The following MACROD2 variants were observed in gnomAD, a reference collection of about 807,000 sequenced individuals.
MACROD2 encodes the protein ADP-ribose glycohydrolase MACROD2.
Under a neutral mutation model 70.4 loss-of-function variants are expected in MACROD2, and 36 were observed. That is an observed-to-expected ratio of 0.51 (90% CI 0.39 to 0.68). MACROD2 has a LOEUF of 0.68. MACROD2 is among the 30% of genes least tolerant of loss of function. The pLI, the probability that MACROD2 is intolerant of heterozygous loss-of-function variation, is 0.00. For missense variants in MACROD2, 496 were observed against 538.4 expected, an observed-to-expected ratio of 0.92 and a Z score of 0.78; for synonymous variants, 172 against 178.8, an observed-to-expected ratio of 0.96 and a Z score of 0.30.
intron 8 of MACROD2, among the ~76,000 whole-genome samples, chr20:15,634,767 C>G (rs1463153964): frequency 1.3e-5 from 2 of 152,182 alleles, no homozygotes; most frequent in African/African-American, 4.8e-5. Flanking sequence ...TCGTACTGTG[C>G]CACAGGGGCT....
At chr20:15,602,902 T>A (rs1298681201) in intron 8 of MACROD2, among the ~76,000 whole-genome samples, 1 of 151,492 alleles carries the variant, frequency 6.6e-6, no homozygotes, top group Non-Finnish European at 1.5e-5. Context: ...TAGTTTTTTT[T>A]TAATATGTCC....
At position 15,109,365 on chromosome 20, in the gene MACROD2, A is replaced by G. The variant is rs149840847; in HGVS notation, c.419-120575A>G. On this transcript the variant is annotated intron_variant, in intron 5 of 17. Transcript: ENST00000684519. ...TCAAGTAGTAAGACCTAAATATACT[A>G]AGAGATTTTAATTACCTAGATATCT... Among the ~76,000 whole-genome samples the G allele has an allele frequency of 1.2e-3, 178 of 152,246 alleles. 2 individuals carry two copies. Among genetic ancestry groups the G allele is most frequent in the East Asian group, 1.7e-3 (9 of 5,180 alleles).
chr20:15,026,737 A>C (rs574785635), intron 5 of MACROD2, among the ~76,000 whole-genome samples: 1 of 152,260 alleles, frequency 6.6e-6, no homozygotes, highest in East Asian at 1.9e-4. Context: ...GATATCAATA[A>C]AAGAAAATGA....
At position 16,051,080 on chromosome 20, in the gene MACROD2, A is replaced by G. The variant is rs1373157401; in HGVS notation, c.*1204A>G. ...GGCGACCATGAGGATGCCAGGCATC[A>G]TCACCAATATCTATCCTAGAGCCAG... On this transcript the variant is annotated 3_prime_UTR_variant, in exon 18 of 18. Coordinates refer to ENST00000684519, the MANE Select transcript of MACROD2 (RefSeq NM_001351661.2). The G allele has an allele frequency of 6.6e-6, 1 of 152,238 alleles. No individual in the cohort carries two copies. Among genetic ancestry groups the G allele is most frequent in the African/African-American group, 2.4e-5 (1 of 41,448 alleles). 9.4% of individuals were successfully genotyped at this position (152,238 alleles called of 1,614,324 possible).
intron 6 of MACROD2, among the ~76,000 whole-genome samples, chr20:15,246,803 C>T (rs950377561): frequency 1.9e-4 from 29 of 152,106 alleles, no homozygotes; most frequent in African/African-American, 6.8e-4. Flanking sequence ...ATAGCAATAG[C>T]CCTAAAGTGG....
chr20:15,087,171 G>A (rs2075755244), intron 5 of MACROD2, among the ~76,000 whole-genome samples: 1 of 151,884 alleles, frequency 6.6e-6, no homozygotes, highest in African/African-American at 2.4e-5. Context: ...TTTATATTGA[G>A]AATGTATAGC....
At chr20:14,666,350 T>C (rs2123548597) in intron 4 of MACROD2, among the ~76,000 whole-genome samples, 1 of 152,262 alleles carries the variant, frequency 6.6e-6, no homozygotes, top group South Asian at 2.1e-4. Context: ...AAAGAGAGCA[T>C]ATTTCTGGAT....
At chr20:14,493,243 ATATAT>A (rs1738353175) in intron 3 of MACROD2, among the ~76,000 whole-genome samples, 1 of 151,998 alleles carries the variant, frequency 6.6e-6, no homozygotes, top group African/African-American at 2.4e-5. Context: ...TTAGAAGGAA[ATATAT>A]TATAAAAATA....
intron 5 of MACROD2, among the ~76,000 whole-genome samples, chr20:14,839,488 T>G (rs927936350): frequency 1.3e-5 from 2 of 152,108 alleles, no homozygotes; most frequent in Admixed American, 6.5e-5. Flanking sequence ...GACACACACA[T>G]GCAAGTTATA....
chr20:14,516,313 C>G (rs1357965185), intron 4 of MACROD2, among the ~76,000 whole-genome samples: 1 of 151,874 alleles, frequency 6.6e-6, no homozygotes, highest in Non-Finnish European at 1.5e-5. Flanking sequence ...TTAATTAGAT[C>G]CCATTTGTCA....
At chr20:14,559,642 A>G (rs1979293148) in intron 4 of MACROD2, among the ~76,000 whole-genome samples, 1 of 151,820 alleles carries the variant, frequency 6.6e-6, no homozygotes, top group African/African-American at 2.4e-5. Context: ...AAAATGTTCA[A>G]AGCTTATAGT....
At chr20:14,784,674 G>GT (rs1555829940) in intron 5 of MACROD2, among the ~76,000 whole-genome samples, 1 of 142,862 alleles carries the variant, frequency 7.0e-6, no homozygotes, top group Non-Finnish European at 1.5e-5. Context: ...TAAGTGGGGG[G>GT]GGGGGGGCAC....
intron 8 of MACROD2, among the ~76,000 whole-genome samples, chr20:15,720,623 G>A (rs2050774673): frequency 6.6e-6 from 1 of 152,170 alleles, no homozygotes; most frequent in South Asian, 2.1e-4. Context: ...GTCCTAGAAT[G>A]TCTGCCTTAA....
chr20:15,786,635 G>A (rs2147049062), intron 8 of MACROD2, among the ~76,000 whole-genome samples: 1 of 152,276 alleles, frequency 6.6e-6, no homozygotes, highest in Non-Finnish European at 1.5e-5. Flanking sequence ...AGAACTGAGG[G>A]ACGAGAGTAG....
intron 3 of MACROD2, among the ~76,000 whole-genome samples, chr20:14,333,534 G>A (rs2082881342): frequency 6.6e-6 from 1 of 152,078 alleles, no homozygotes; most frequent in African/African-American, 2.4e-5. Flanking sequence ...TGGGGTGGGG[G>A]CATGCTTTAA....
chr20:15,297,161 A>G (rs2077597941), intron 6 of MACROD2, among the ~76,000 whole-genome samples: 1 of 152,128 alleles, frequency 6.6e-6, no homozygotes, highest in South Asian at 2.1e-4. Flanking sequence ...TTTATTGCAG[A>G]TTGTTCCTTT....
At chr20:15,201,617 A>G (rs1273564350) in intron 5 of MACROD2, among the ~76,000 whole-genome samples, 1 of 152,202 alleles carries the variant, frequency 6.6e-6, no homozygotes, top group Admixed American at 6.5e-5. Flanking sequence ...CCTAGGAAAC[A>G]ACACTTTATT....
At chr20:15,988,308 A>G (rs2066513934) in intron 15 of MACROD2, among the ~76,000 whole-genome samples, 1 of 129,124 alleles carries the variant, frequency 7.7e-6, no homozygotes, top group Non-Finnish European at 1.9e-5. Context: ...GAATTGAAAC[A>G]ACCCTTACTC....
At chr20:15,165,588 A>G (rs1357654884) in intron 5 of MACROD2, among the ~76,000 whole-genome samples, 1 of 152,244 alleles carries the variant, frequency 6.6e-6, no homozygotes, top group Non-Finnish European at 1.5e-5. Flanking sequence ...CATAAAACAA[A>G]TTAATTCAGT....
Sources: allele counts gnomAD v4.1 joint callset (sites outside exome capture counted in the v4.1 genomes callset), GRCh38; gene constraint gnomAD v4.1.1; transcripts MANE v1.5; gene names NCBI Gene and HGNC (gene_info 2026-07-23, HGNC 2026-07-21).